Variants in CRIM1 observed in about 807,000 individuals in gnomAD.
CRIM1 encodes cysteine rich transmembrane BMP regulator 1, also known as cysteine-rich motor neuron 1 protein.
CRIM1 carries 32 observed loss-of-function variants against 116.4 expected under a neutral mutation model. The ratio of observed to expected loss-of-function variants is 0.27; its 90% CI spans 0.21 to 0.37. The LOEUF is 0.37. Among genes scored for constraint, CRIM1 ranks in the 10% least tolerant of loss-of-function variants. The pLI, the probability that CRIM1 is intolerant of heterozygous loss-of-function variation, is 1.00. For synonymous variants in CRIM1, 590 were observed against 509.2 expected (o/e 1.16, Z -2.13); for missense variants, 1,331 against 1,354.8 (o/e 0.98, Z 0.28).
chr2:36,439,763 C>G (rs1015119427), intron 2 of CRIM1, among the ~76,000 whole-genome samples: 1 of 152,206 alleles, frequency 6.6e-6, no homozygotes, highest in African/African-American at 2.4e-5. Flanking sequence ...CCAATTCCCT[C>G]TTACTCTGTT....
At chr2:36,379,458 G>C (rs1006538943) in intron 1 of CRIM1, among the ~76,000 whole-genome samples, 11 of 152,164 alleles carry the variant, frequency 7.2e-5, no homozygotes, top group African/African-American at 2.7e-4. Context: ...ACACTCTGCT[G>C]GGGTACAAAA....
At chr2:36,370,412 G>A (rs1387333343) in intron 1 of CRIM1, among the ~76,000 whole-genome samples, 4 of 152,038 alleles carry the variant, frequency 2.6e-5, no homozygotes, top group African/African-American at 9.7e-5. Context: ...GAAAAGGTGA[G>A]CCCTCAGCAA....
chr2:36,424,707 G>A (rs1216519604), intron 2 of CRIM1, among the ~76,000 whole-genome samples: 2 of 152,132 alleles, frequency 1.3e-5, no homozygotes, highest in Admixed American at 1.3e-4. Context: ...CCTCCGTGAA[G>A]TTTTTTCAGC....
intron 4 of CRIM1, among the ~76,000 whole-genome samples, chr2:36,443,897 T>C (rs1183416488): frequency 6.6e-6 from 1 of 152,240 alleles, no homozygotes; most frequent in Non-Finnish European, 1.5e-5. Flanking sequence ...ATAAAACAGA[T>C]GCAAAGATTT....
intron 7 of CRIM1, among the ~76,000 whole-genome samples, chr2:36,492,091 GGAA>G (rs1193828320): frequency 6.6e-6 from 1 of 152,028 alleles, no homozygotes; most frequent in Non-Finnish European, 1.5e-5. Flanking sequence ...TTTTGGTAAA[GGAA>G]GAAAAATATT....
In CRIM1 at chr2:36,479,573, G is replaced by A; in HGVS notation, c.1251G>A (p.Arg417=). The A allele has an allele frequency of 1.9e-6, 3 of 1,614,218 alleles. No homozygotes were observed. Among genetic ancestry groups the A allele is most frequent in the Non-Finnish European group, 2.5e-6 (3 of 1,180,030 alleles). ...GLILAHGDRW[R]EDDCTFCQCV... Reference sequence around the variant, plus strand: ...TCCTTGCCCACGGAGACCGGTGGCGGGAAGACGACTGCACATTCTGCCAGT... The same window carrying A: ...TCCTTGCCCACGGAGACCGGTGGCGAGAAGACGACTGCACATTCTGCCAGT... The change falls in exon 7 of 17, where the codon CGG becomes CGA. Residue 417 remains arginine, a synonymous_variant. Transcript: ENST00000280527.
chr2:36,538,348 G>A (rs1666701340), intron 14 of CRIM1, among the ~76,000 whole-genome samples: 1 of 152,122 alleles, frequency 6.6e-6, no homozygotes, highest in African/African-American at 2.4e-5. Context: ...TAGACACACA[G>A]ATTTCCCGGT....
At chr2:36,409,201 C>A (rs975431863) in intron 2 of CRIM1, among the ~76,000 whole-genome samples, 1 of 152,098 alleles carries the variant, frequency 6.6e-6, no homozygotes, top group Non-Finnish European at 1.5e-5. Flanking sequence ...GTAAAGATTG[C>A]CAAATTTGTC....
intron 11 of CRIM1, among the ~76,000 whole-genome samples, chr2:36,515,508 C>A (rs936809538): frequency 6.6e-6 from 1 of 152,224 alleles, no homozygotes; most frequent in African/African-American, 2.4e-5. Flanking sequence ...CTGTTGCATT[C>A]ACGGACTCCT....
chr2:36,487,578 G>A (rs1030262890), intron 7 of CRIM1, among the ~76,000 whole-genome samples: 1 of 150,306 alleles, frequency 6.7e-6, no homozygotes, highest in African/African-American at 2.4e-5. Context: ...AAAAAAGGTG[G>A]CCGATCTAGC....
intron 7 of CRIM1, among the ~76,000 whole-genome samples, chr2:36,480,026 C>T (rs952062224): frequency 1.1e-4 from 16 of 152,124 alleles, no homozygotes; most frequent in East Asian, 9.6e-4. Context: ...AAAATGAGAC[C>T]GATGAGTCAA....
intron 7 of CRIM1, among the ~76,000 whole-genome samples, chr2:36,488,799 G>A (rs1488676409): frequency 2.6e-5 from 4 of 152,110 alleles, no homozygotes; most frequent in African/African-American, 7.2e-5. Flanking sequence ...GCAGTCCCAG[G>A]CTCCAGCTCT....
chr2:36,482,712 G>A (rs1679513806), intron 7 of CRIM1, among the ~76,000 whole-genome samples: 1 of 152,204 alleles, frequency 6.6e-6, no homozygotes, highest in East Asian at 1.9e-4. Flanking sequence ...CGTAACCAGT[G>A]TTGGCCCTTA....
intron 1 of CRIM1, among the ~76,000 whole-genome samples, chr2:36,379,797 C>T (rs1217158881): frequency 3.6e-5 from 4 of 112,012 alleles, no homozygotes; most frequent in Admixed American, 1.2e-4. Context: ...TGAGATGAAT[C>T]TATATCAGGG....
intron 1 of CRIM1, among the ~76,000 whole-genome samples, chr2:36,374,937 A>G (rs941530475): frequency 2.0e-5 from 3 of 151,968 alleles, no homozygotes; most frequent in South Asian, 4.2e-4. Context: ...AAAGTTAACT[A>G]ACGATTTGTA....
intron 15 of CRIM1, among the ~76,000 whole-genome samples, chr2:36,544,843 A>T (rs1039480973): frequency 6.6e-6 from 1 of 152,190 alleles, no homozygotes; most frequent in Non-Finnish European, 1.5e-5. Context: ...CTTTGTAAGG[A>T]GAGTAATCAT....
chr2:36,360,430 A>G (rs1048414522), intron 1 of CRIM1, among the ~76,000 whole-genome samples: 11 of 152,130 alleles, frequency 7.2e-5, no homozygotes, highest in African/African-American at 1.9e-4. Flanking sequence ...CTTTTTCACC[A>G]TTGCTATCTA....
Position 36,527,752 on chromosome 2 carries a change from G to C in CRIM1, c.2428+5439G>C, listed in dbSNP as rs182340790. 5.0e-4 allele frequency among the ~76,000 whole-genome samples: 76 copies of C among 152,174 alleles called. 1 individual carries two copies. Among genetic ancestry groups the C allele is most frequent in the Non-Finnish European group, 8.8e-4 (60 of 68,016 alleles). ...CAATTATAGTAAATATTTAATTCAGGCATCTTTAAGCTATACAACCCATGA... is the reference window on the plus strand; with the variant it reads ...CAATTATAGTAAATATTTAATTCAGCCATCTTTAAGCTATACAACCCATGA... On this transcript the variant is annotated intron_variant, in intron 13 of 16. Transcript: ENST00000280527.
chr2:36,429,870 A>C (rs1674743195), intron 2 of CRIM1, among the ~76,000 whole-genome samples: 1 of 152,162 alleles, frequency 6.6e-6, no homozygotes, highest in Admixed American at 6.5e-5. Context: ...TGACAGTGGT[A>C]GTTACAAGGG....
Sources: allele counts gnomAD v4.1 joint callset (sites outside exome capture counted in the v4.1 genomes callset), GRCh38; gene constraint gnomAD v4.1.1; transcripts MANE v1.5; gene names NCBI Gene and HGNC (gene_info 2026-07-23, HGNC 2026-07-21).